The following UGGT2 variants were observed in gnomAD, a reference collection of about 807,000 sequenced individuals.
The protein encoded by UGGT2 is UDP-glucose:glycoprotein glucosyltransferase 2.
In UGGT2, 180 loss-of-function variants were observed where a neutral mutation model predicts 192.1. The ratio of observed to expected loss-of-function variants is 0.94; its 90% CI spans 0.83 to 1.06. UGGT2 has a LOEUF of 1.06. UGGT2 is among the 50% of genes least tolerant of loss of function. The probability of loss-of-function intolerance (pLI) is 0.00; values close to 1 mark genes in which losing one functional copy is unlikely to be tolerated. For missense variants in UGGT2, 1,849 were observed against 1,795.7 expected (o/e 1.03, Z -0.54); for synonymous variants, 580 against 591.0 (o/e 0.98, Z 0.27).
Position 95,983,866 on chromosome 13 carries a change from TG to T in UGGT2, c.1032-3del. ...TTTACAGCAATTCTGGTTAGAGATC[TG>T]GAAAAATGAATACTAATATAATTGA... On this transcript the variant is annotated splice_polypyrimidine_tract_variant and splice_region_variant and intron_variant, in intron 9 of 38. Transcript: ENST00000376747. The T allele has an allele frequency of 1.3e-6, 2 of 1,545,546 alleles. No individual in the cohort carries two copies. The highest frequency in any genetic ancestry group is 1.2e-5 in the South Asian group (1 of 83,218).
chr13:95,936,078 T>C (rs532448278), intron 17 of UGGT2, among the ~76,000 whole-genome samples: 15 of 152,318 alleles, frequency 9.8e-5, no homozygotes, highest in East Asian at 1.9e-4. Context: ...TCCTCTTGAA[T>C]TGACCTCCCA....
chr13:96,029,756 C>A (rs1219567321), intron 2 of UGGT2, among the ~76,000 whole-genome samples: 1 of 152,088 alleles, frequency 6.6e-6, no homozygotes, highest in Non-Finnish European at 1.5e-5. Flanking sequence ...ATAAAATATG[C>A]TGATATATTT....
In UGGT2 at chr13:96,023,776, A is replaced by G. The variant is rs1488805936; in HGVS notation, c.242-17T>C. 1 of 1,572,026 alleles carries G rather than the reference A, an allele frequency of 6.4e-7. No individual in the cohort carries two copies. Among genetic ancestry groups the G allele is most frequent in the South Asian group, 1.2e-5 (1 of 86,878 alleles). On this transcript the variant is annotated splice_polypyrimidine_tract_variant and intron_variant, in intron 2 of 38. Transcript: ENST00000376747. Reference sequence around the variant, plus strand: ...AATCTGATTCTATAAAAAGAAGTCAAAAGAAAATAAATGTTAGCATTTTAT... The same window carrying G: ...AATCTGATTCTATAAAAAGAAGTCAGAAGAAAATAAATGTTAGCATTTTAT...
intron 21 of UGGT2, among the ~76,000 whole-genome samples, chr13:95,902,458 TA>T (rs1418969795): frequency 1.3e-5 from 2 of 152,118 alleles, no homozygotes; most frequent in African/African-American, 2.4e-5. Context: ...CATTGTCTCA[TA>T]AACGATCAAT....
At chr13:95,896,898 T>C (rs1214389435) in intron 22 of UGGT2, among the ~76,000 whole-genome samples, 7 of 152,112 alleles carry the variant, frequency 4.6e-5, no homozygotes, top group African/African-American at 1.4e-4. Flanking sequence ...GTAACAGAAA[T>C]GCATTACTTC....
chr13:95,901,568 C>T (rs1160233170), intron 21 of UGGT2, among the ~76,000 whole-genome samples: 1 of 152,094 alleles, frequency 6.6e-6, no homozygotes, highest in Non-Finnish European at 1.5e-5. Flanking sequence ...GAATATACTT[C>T]AGTAGAATCC....
intron 20 of UGGT2, among the ~76,000 whole-genome samples, chr13:95,923,718 T>C (rs2048923363): frequency 6.6e-6 from 1 of 152,238 alleles, no homozygotes; most frequent in African/African-American, 2.4e-5. Flanking sequence ...GTTTATTATG[T>C]ATCCATTTGA....
chr13:95,841,019 G>A (rs915041980), intron 36 of UGGT2, among the ~76,000 whole-genome samples: 9 of 152,100 alleles, frequency 5.9e-5, no homozygotes, highest in African/African-American at 2.2e-4. Flanking sequence ...ATGGACACAG[G>A]GAGGGGAACA....
intron 38 of UGGT2, chr13:95,809,570 C>T (rs71433097): frequency 3.5e-6 from 1 of 284,294 alleles, no homozygotes; most frequent in Non-Finnish European, 7.1e-6. Flanking sequence ...TGAGCTACTC[C>T]TTCGCTGTCC....
chr13:95,943,870 GCTTT>G (rs1199323242), intron 15 of UGGT2, among the ~76,000 whole-genome samples: 1 of 151,880 alleles, frequency 6.6e-6, no homozygotes, highest in Non-Finnish European at 1.5e-5. Flanking sequence ...TAAAAACAAT[GCTTT>G]CTATCATTTT....
At chr13:95,991,974 C>T (rs147487143) in intron 7 of UGGT2, among the ~76,000 whole-genome samples, 3 of 152,186 alleles carry the variant, frequency 2.0e-5, no homozygotes, top group South Asian at 2.1e-4. Context: ...ACCATCCTGG[C>T]TAACATGGTG....
intron 15 of UGGT2, among the ~76,000 whole-genome samples, chr13:95,942,083 T>C (rs532637258): frequency 1.3e-5 from 2 of 152,306 alleles, no homozygotes; most frequent in African/African-American, 4.8e-5. Context: ...TTCATTCTAA[T>C]ATGCCAAATT....
At position 95,927,252 on chromosome 13, in the gene UGGT2, G is replaced by C. The variant is rs775927655; in HGVS notation, c.2062C>G (p.Arg688Gly). The C allele has an allele frequency of 6.2e-7, 1 of 1,611,800 alleles. No individual in the cohort carries two copies. The highest frequency in any genetic ancestry group is 1.1e-5 in the South Asian group (1 of 90,942). The change falls in exon 18 of 39, where the codon CGT (arginine) becomes GGT (glycine). Residue 688 changes from arginine to glycine, a missense_variant. Physicochemically the swap from Arg to Gly is moderately radical, Grantham distance 125. Coordinates refer to ENST00000376747, the MANE Select transcript of UGGT2 (RefSeq NM_020121.4). ...AAATTGAGGTACTGCTGGTTAGTAC[G>C]CAAAATCAAAGTATTTATACGGGGT... is the stretch of plus-strand genomic sequence containing the variant. ...VVPRINTLIL[R>G]TNQQYLNLIS...
intron 27 of UGGT2, 28 bp downstream of exon 27, chr13:95,884,463 C>A: frequency 6.5e-7 from 1 of 1,527,514 alleles, no homozygotes; most frequent in Non-Finnish European, 8.8e-7. Flanking sequence ...GTTTCTCTCT[C>A]TTTATATGAC....
chr13:96,014,323 A>G (rs186201874), intron 4 of UGGT2, among the ~76,000 whole-genome samples: 4 of 152,220 alleles, frequency 2.6e-5, no homozygotes, highest in Admixed American at 2.0e-4. Flanking sequence ...TATTAAGGAC[A>G]GAAGAAAAAA....
chr13:95,942,523 CTTG>C (rs1454730895), intron 15 of UGGT2, among the ~76,000 whole-genome samples: 3 of 151,950 alleles, frequency 2.0e-5, no homozygotes, highest in Non-Finnish European at 2.9e-5. Context: ...AGATAATTAT[CTTG>C]TTTAGTTACC....
chr13:95,998,962 G>A (rs1349669673), intron 6 of UGGT2, among the ~76,000 whole-genome samples: 1 of 152,060 alleles, frequency 6.6e-6, no homozygotes, highest in East Asian at 1.9e-4. Context: ...AAATGGTTGG[G>A]AGCCCATCGG....
At chr13:95,913,935 C>CG (rs1176838511) in intron 20 of UGGT2, among the ~76,000 whole-genome samples, 2 of 151,950 alleles carry the variant, frequency 1.3e-5, no homozygotes, top group Non-Finnish European at 2.9e-5. Flanking sequence ...TGTCCTTTGC[C>CG]GGGACATGGA....
chr13:96,010,933 A>G (rs1026383353), intron 5 of UGGT2, among the ~76,000 whole-genome samples: 3 of 152,244 alleles, frequency 2.0e-5, no homozygotes, highest in Non-Finnish European at 4.4e-5. Flanking sequence ...TCAATGGCAC[A>G]GAAAAGCAAA....
Sources: gnomAD v4.1 joint callset for allele counts (sites outside exome capture counted in the v4.1 genomes callset) on GRCh38, gnomAD v4.1.1 for gene constraint, MANE v1.5 for transcripts, NCBI Gene and HGNC (gene_info 2026-07-23, HGNC 2026-07-21) for gene names.